Variants in CPLANE1 observed in about 807,000 individuals in gnomAD.
The protein encoded by CPLANE1 is ciliogenesis and planar polarity effector complex subunit 1.
CPLANE1 carries 263 observed loss-of-function variants against 362.5 expected under a neutral mutation model. The observed-to-expected ratio is 0.73, with a 90% CI of 0.66 to 0.80. The LOEUF is 0.80. Among genes scored for constraint, CPLANE1 ranks in the 30% least tolerant of loss-of-function variants. CPLANE1 has a pLI of 0.00. For synonymous variants in CPLANE1, 1,212 were observed against 1,302.6 expected, an observed-to-expected ratio of 0.93 and a Z score of 1.50; for missense variants, 3,461 against 3,793.4, an observed-to-expected ratio of 0.91 and a Z score of 2.30.
rs1459226871 is a variant in CPLANE1 at position 37,201,666 on chromosome 5, C to A, written c.3432G>T (p.Leu1144=). 1 of 1,614,054 alleles carries A rather than the reference C, an allele frequency of 6.2e-7. No individual in the cohort carries two copies. Among genetic ancestry groups the A allele is most frequent in the Non-Finnish European group, 8.5e-7 (1 of 1,180,026 alleles). Residue 1144 remains leucine, a synonymous_variant, in exon 19 of 53, where the codon CTG becomes CTT. Transcript: ENST00000651892. ...ACAAGCCGAATGGCACTAAGCCCCACAGTCTTTTACTGAAGTCCTTGGCAG... is the reference window on the plus strand; with the variant it reads ...ACAAGCCGAATGGCACTAAGCCCCAAAGTCTTTTACTGAAGTCCTTGGCAG... ...IDSAKDFSKR[L]WGLVPFGLYL... is the part of the protein sequence containing the mutation.
chr5:37,214,803 C>A (rs1793584884), intron 15 of CPLANE1, among the ~76,000 whole-genome samples: 2 of 151,990 alleles, frequency 1.3e-5, no homozygotes, highest in Admixed American at 1.3e-4. Context: ...TAGTGCAGTA[C>A]CATAAACCTT....
In CPLANE1 at chr5:37,206,430, G is replaced by T. The variant is rs1388306721; in HGVS notation, c.2921-5C>A. 9 of 1,532,684 alleles carry T rather than the reference G, an allele frequency of 5.9e-6. No individual in the cohort carries two copies. The highest frequency in any genetic ancestry group is 8.0e-6 in the Non-Finnish European group (9 of 1,130,486). The allele number at this position is 1,532,684 out of a possible 1,614,324, so 94.9% of individuals were successfully genotyped here. On this transcript the variant is annotated splice_region_variant and splice_polypyrimidine_tract_variant and intron_variant, in intron 16 of 52. Coordinates refer to ENST00000651892, the MANE Select transcript of CPLANE1 (RefSeq NM_001384732.1). ...GAATAAGTCGAAAGGACTGCTCTGTGAGTAAATTTTTAAAAATGGATTATT... is the reference window on the plus strand; with the variant it reads ...GAATAAGTCGAAAGGACTGCTCTGTTAGTAAATTTTTAAAAATGGATTATT...
chr5:37,227,820 A>G lies in CPLANE1; in HGVS notation c.1122-3T>C. ...CTTGAAACGTAAACTGCTGTGGTCT[A>G]GTAAACAAACATCAAAATACAAGAA... On this transcript the variant is annotated splice_region_variant and splice_polypyrimidine_tract_variant and intron_variant, in intron 9 of 52. Coordinates refer to ENST00000651892, the MANE Select transcript of CPLANE1 (RefSeq NM_001384732.1). 6.5e-7 allele frequency: 1 copy of G among 1,543,926 alleles called. No individual in the cohort carries two copies. The highest frequency in any genetic ancestry group is 1.2e-5 in the South Asian group (1 of 83,058).
chr5:37,158,481 G>A, intron 38 of CPLANE1, 136 bp from the exon 39 acceptor site: 1 of 758,290 alleles, frequency 1.3e-6, no homozygotes, highest in South Asian at 2.5e-5. Flanking sequence ...GAAGTGACAT[G>A]GGTATAAATA....
chr5:37,176,171 C>G (rs1204360386), intron 30 of CPLANE1, 185 bp from the exon 31 acceptor site: 2 of 460,214 alleles, frequency 4.3e-6, no homozygotes, highest in Non-Finnish European at 7.7e-6. Context: ...TAAGCAAAAG[C>G]AAAAAAATAT....
intron 42 of CPLANE1, among the ~76,000 whole-genome samples, chr5:37,150,190 T>C (rs1264549821): frequency 6.6e-6 from 1 of 152,162 alleles, no homozygotes; most frequent in African/African-American, 2.4e-5. Context: ...ATGTGGAAAC[T>C]CCCTCCTCCA....
intron 29 of CPLANE1, among the ~76,000 whole-genome samples, chr5:37,178,555 G>A (rs1330312466): frequency 6.6e-6 from 1 of 150,878 alleles, no homozygotes; most frequent in African/African-American, 2.4e-5. Flanking sequence ...CCAGGCTGCA[G>A]TGAGCCATGA....
chr5:37,141,415 T>C (rs905744266), intron 44 of CPLANE1: 8 of 985,232 alleles, frequency 8.1e-6, no homozygotes, highest in Non-Finnish European at 9.6e-6. Flanking sequence ...GCTTTATATA[T>C]GATACTCAGT....
rs557598013 is a variant in CPLANE1 at position 37,133,214 on chromosome 5, G to A, written c.8792+5506C>T. 2.0e-5 allele frequency among the ~76,000 whole-genome samples: 3 copies of A among 152,186 alleles called. No homozygotes were observed. In the South Asian group the frequency reaches 6.2e-4, roughly 32 times the overall value. On this transcript the variant is annotated intron_variant, in intron 46 of 52. Transcript: ENST00000651892. ...TGAAGGCAGGTAACATGATGACTCT[G>A]GCTTTGCTCTTTTTACTCAGGATTG...
At position 37,165,672 on chromosome 5, in the gene CPLANE1, C is replaced by T. The variant is rs750075071; in HGVS notation, c.7401-1G>A. On this transcript the variant is annotated splice_acceptor_variant, in intron 35 of 52. Transcript: ENST00000651892. LOFTEE classifies it high-confidence loss of function. ...CTCTTTCTCAGCTCTTCTTCTTTGC[C>T]TGTTAAACATAATAGCATAAAACAT... 1.2e-6 allele frequency: 2 copies of T among 1,602,146 alleles called. No individual in the cohort carries two copies. Among genetic ancestry groups the T allele is most frequent in the South Asian group, 2.3e-5 (2 of 87,962 alleles).
At chr5:37,105,301 A>G (rs2149828595), downstream of CPLANE1, among the ~76,000 whole-genome samples, 1 of 152,254 alleles carries the variant, frequency 6.6e-6, no homozygotes, top group East Asian at 1.9e-4. Context: ...TCCTGTCTCA[A>G]AACAAAGACA....
chr5:37,171,746 CT>C, intron 32 of CPLANE1, among the ~76,000 whole-genome samples: 2 of 13,062 alleles, frequency 1.5e-4, no homozygotes, highest in Admixed American at 6.5e-4. Flanking sequence ...CTCTAGCTTA[CT>C]CTCTCTCTCT....
intron 43 of CPLANE1, among the ~76,000 whole-genome samples, chr5:37,143,970 G>A (rs1034018580): frequency 2.0e-5 from 3 of 150,866 alleles, no homozygotes; most frequent in Non-Finnish European, 2.9e-5. Context: ...GGAACAGAGT[G>A]AGGAGGTCCA....
intron 21 of CPLANE1, among the ~76,000 whole-genome samples, chr5:37,194,568 C>G (rs1251220724): frequency 6.6e-6 from 1 of 151,832 alleles, no homozygotes; most frequent in African/African-American, 2.4e-5. Flanking sequence ...AATCAAGAAG[C>G]ATTTCAATGC....
Position 37,201,588 on chromosome 5 carries a change from T to C in CPLANE1, c.3507+3A>G. Reference sequence around the variant, plus strand: ...AATTTAAAAGTTAATGCTATAAGCTTACTTCACTAAGAATAGCTGGCTGGG... The same window carrying C: ...AATTTAAAAGTTAATGCTATAAGCTCACTTCACTAAGAATAGCTGGCTGGG... On this transcript the variant is annotated splice_donor_region_variant and intron_variant, in intron 19 of 52. Transcript: ENST00000651892. The C allele has an allele frequency of 6.2e-7, 1 of 1,607,848 alleles. No individual in the cohort carries two copies. Among genetic ancestry groups the C allele is most frequent in the Non-Finnish European group, 8.5e-7 (1 of 1,174,936 alleles).
chr5:37,090,321 G>GT, the CPLANE1 span, among the ~76,000 whole-genome samples: 1 of 152,138 alleles, frequency 6.6e-6, no homozygotes, highest in Non-Finnish European at 1.5e-5. Context: ...CCTAGAATGG[G>GT]TTTTTTGCCA....
At chr5:37,215,882 A>C (rs1215106668) in intron 15 of CPLANE1, among the ~76,000 whole-genome samples, 3 of 151,622 alleles carry the variant, frequency 2.0e-5, no homozygotes, top group African/African-American at 4.8e-5. Context: ...CCCAAGCTAG[A>C]GTGCAGTGGC....
intron 32 of CPLANE1, among the ~76,000 whole-genome samples, chr5:37,172,928 G>T (rs1472474342): frequency 6.6e-6 from 1 of 152,180 alleles, no homozygotes; most frequent in Non-Finnish European, 1.5e-5. Context: ...AGGTTGCAGT[G>T]AGCCGAGATC....
In CPLANE1 at chr5:37,231,880, C is replaced by A. The variant is rs113626805; in HGVS notation, c.939-831G>T. On this transcript the variant is annotated intron_variant, in intron 8 of 52. Coordinates refer to ENST00000651892, the MANE Select transcript of CPLANE1 (RefSeq NM_001384732.1). ...ATGTTTAATGAGACAAACAGTAGGT[C>A]CTCCTCAGAAAATGACAGACACTAA... Among the ~76,000 whole-genome samples, 9 of 152,050 alleles carry A rather than the reference C, an allele frequency of 5.9e-5. 1 individual carries two copies. Among genetic ancestry groups the A allele is most frequent in the African/African-American group, 2.2e-4 (9 of 41,448 alleles).
Sources: gnomAD v4.1 joint callset for allele counts (sites outside exome capture counted in the v4.1 genomes callset) on GRCh38, gnomAD v4.1.1 for gene constraint, MANE v1.5 for transcripts, NCBI Gene and HGNC (gene_info 2026-07-23, HGNC 2026-07-21) for gene names.